The following PEX5 variants were observed in gnomAD, a reference collection of about 807,000 sequenced individuals.
PEX5 encodes PTS1 receptor.
Under a neutral mutation model 82.9 loss-of-function variants are expected in PEX5, and 52 were observed. The ratio of observed to expected loss-of-function variants is 0.63; its 90% CI spans 0.50 to 0.79. The LOEUF (loss-of-function observed/expected upper bound fraction) is 0.79, where lower values mean the gene tolerates loss of function less well. PEX5 is among the 30% of genes least tolerant of loss of function. The pLI is 0.00. For missense variants in PEX5, 719 were observed against 815.2 expected, an observed-to-expected ratio of 0.88 and a Z score of 1.44; for synonymous variants, 300 against 318.8, an observed-to-expected ratio of 0.94 and a Z score of 0.63.
At chr12:7,216,188 G>A (rs1223218668), downstream of PEX5, among the ~76,000 whole-genome samples, 2 of 152,126 alleles carry the variant, frequency 1.3e-5, no homozygotes, top group African/African-American at 2.4e-5. Context: ...GGCTGGTCTT[G>A]AACTCCTGAC....
At chr12:7,214,938 C>A (rs1221975257), downstream of PEX5, among the ~76,000 whole-genome samples, 21 of 152,024 alleles carry the variant, frequency 1.4e-4, no homozygotes, top group Admixed American at 1.4e-3. Flanking sequence ...TTGAAGCTAG[C>A]ATCAATGAGC....
At chr12:7,215,503 A>G (rs140272193), downstream of PEX5, among the ~76,000 whole-genome samples, 5,341 of 152,298 alleles carry the variant, frequency 0.035, 144 homozygotes, top group Non-Finnish European at 0.054. Context: ...ATGCCCATCA[A>G]TGGTGGACTG....
rs1011425383 is a variant in PEX5, at chr12:7,209,553, G to A, written c.1561-130G>A. The A allele has an allele frequency of 3.2e-5, 12 of 376,096 alleles. No individual in the cohort carries two copies. The African/African-American group carries it at 3.6e-4, about 11-fold the overall frequency. The allele number at this position is 376,096 out of a possible 1,614,324, so 23.3% of individuals were successfully genotyped here. On this transcript the variant is annotated intron_variant, in intron 14 of 15. Transcript: ENST00000675855. ...CGAACTGTTGAGAATGGAATGGGAC[G>A]AAACATGTTAGCTAACAGAGTAGTG... is the stretch of plus-strand genomic sequence containing the variant.
chr12:7,189,774 C>A (rs1940579402), intron 1 of PEX5, 24 bp downstream of exon 1: 2 of 433,664 alleles, frequency 4.6e-6, no homozygotes, highest in East Asian at 8.5e-5. Context: ...CCCGAGGGGG[C>A]CCGGGGCCGC....
In PEX5 at chr12:7,190,870, T is replaced by G. The variant is rs1208254383; in HGVS notation, c.148-18T>G. The G allele has an allele frequency of 1.4e-5, 23 of 1,610,100 alleles. No homozygotes were observed. The highest frequency in any genetic ancestry group is 1.7e-5 in the Non-Finnish European group (20 of 1,177,622). On this transcript the variant is annotated intron_variant, in intron 2 of 15. Transcript: ENST00000675855. ...TAGAGGAACTGCGTCATTGTACATC[T>G]CTGTCTTTCTCTCTTAGGCCTCCAA...
At chr12:7,200,454 C>T (rs1378840028) in intron 6 of PEX5, among the ~76,000 whole-genome samples, 2 of 151,282 alleles carry the variant, frequency 1.3e-5, no homozygotes, top group Admixed American at 1.3e-4. Flanking sequence ...GATGGGCGGC[C>T]AGGCAGAGAC....
chr12:7,201,948 A>G (rs776929089), intron 7 of PEX5, 107 bp downstream of exon 7: 65 of 842,702 alleles, frequency 7.7e-5, no homozygotes, highest in Non-Finnish European at 1.2e-4. Flanking sequence ...AAGAGATCTT[A>G]GGTCTCTTCG....
At chr12:7,190,217 G>T in intron 1 of PEX5, 145 bp from the exon 2 acceptor site, 1 of 1,578,922 alleles carries the variant, frequency 6.3e-7, no homozygotes, top group East Asian at 2.2e-5. Flanking sequence ...CCTGGCAGAG[G>T]TGGGGGTCGC....
downstream of PEX5, among the ~76,000 whole-genome samples, chr12:7,215,823 C>G (rs774175940): frequency 5.3e-5 from 8 of 152,098 alleles, no homozygotes; most frequent in Non-Finnish European, 1.2e-4. Context: ...GTACACCAAA[C>G]CTCAGCGACA....
intron 5 of PEX5, among the ~76,000 whole-genome samples, chr12:7,197,263 T>C (rs1360254221): frequency 5.3e-5 from 4 of 75,636 alleles, no homozygotes; most frequent in African/African-American, 7.7e-5. Context: ...ATGTAATAAT[T>C]ATATATGTCA....
At chr12:7,194,185 G>C (rs886879870) in intron 5 of PEX5, among the ~76,000 whole-genome samples, 5 of 152,074 alleles carry the variant, frequency 3.3e-5, no homozygotes, top group Non-Finnish European at 2.9e-5. Flanking sequence ...GATGAAAGAA[G>C]GTTATACTTT....
Position 7,190,441 on chromosome 12 carries a change from G to A in PEX5, c.64G>A (p.Gly22Arg), listed in dbSNP as rs2135877599. 1.2e-6 allele frequency: 2 copies of A among 1,614,178 alleles called. No individual in the cohort carries two copies. Among genetic ancestry groups the A allele is most frequent in the Non-Finnish European group, 1.7e-6 (2 of 1,180,046 alleles). The stretch of plus-strand genomic sequence containing the variant: ...TGCCAACCCGCTCATGAAGCTCGCC[G>A]GGCACTTCACCCAGGACAAGGCCCT... ...GGANPLMKLA[G>R]HFTQDKALRQ... The change falls in exon 2 of 16, where the codon GGG becomes AGG. Residue 22 changes from glycine (G) to arginine (R), a missense_variant. By Grantham distance (125) the Gly-to-Arg change is moderately radical. Coordinates refer to ENST00000675855, the MANE Select transcript of PEX5 (RefSeq NM_001351132.2).
chr12:7,190,748 C>A, intron 2 of PEX5, 140 bp from the exon 3 acceptor site: 3 of 1,304,108 alleles, frequency 2.3e-6, no homozygotes, highest in Non-Finnish European at 3.3e-6. Context: ...CGTTTATAAA[C>A]ACTAGAAAAC....
At chr12:7,196,491 GTAA>G (rs1266268837) in intron 5 of PEX5, among the ~76,000 whole-genome samples, 3 of 131,836 alleles carry the variant, frequency 2.3e-5, no homozygotes, top group Non-Finnish European at 3.1e-5. Context: ...CATATATAAT[GTAA>G]TAATTATATA....
rs772786048 is a variant in PEX5 at position 7,190,499 on chromosome 12, C to T, written c.122C>T (p.Pro41Leu). 1.9e-6 allele frequency: 3 copies of T among 1,613,110 alleles called. No individual in the cohort carries two copies. The highest frequency in any genetic ancestry group is 1.1e-5 in the South Asian group (1 of 91,026). ...RQEGLRPGPW[P>L]PGAPASEAAS... ...GAGGGATTGAGGCCTGGCCCCTGGCCCCCCGGAGCCCCGGCCTCTGAGGCA... is the reference window on the plus strand; with the variant it reads ...GAGGGATTGAGGCCTGGCCCCTGGCTCCCCGGAGCCCCGGCCTCTGAGGCA... Residue 41 changes from proline (P) to leucine (L), a missense_variant, in exon 2 of 16, where the codon CCC (proline) becomes CTC (leucine). By Grantham distance (98) the Pro-to-Leu change is moderately conservative (BLOSUM62 -3). Coordinates refer to ENST00000675855, the MANE Select transcript of PEX5 (RefSeq NM_001351132.2).
intron 5 of PEX5, among the ~76,000 whole-genome samples, chr12:7,197,518 TATATGTTATATATAATGTAA>T (rs1942958190): frequency 1.6e-5 from 1 of 63,162 alleles, no homozygotes; most frequent in African/African-American, 4.3e-5. Flanking sequence ...ATGTAATAAT[TATATGTTATATATAATGTAA>T]TTATATATGT....
At chr12:7,203,105 A>G (rs779353570) in intron 9 of PEX5, among the ~76,000 whole-genome samples, 49 of 152,062 alleles carry the variant, frequency 3.2e-4, no homozygotes, top group African/African-American at 1.1e-3. Context: ...TTGCAACGAG[A>G]TGAGATCACG....
At chr12:7,215,350 A>G (rs1945747577), downstream of PEX5, among the ~76,000 whole-genome samples, 1 of 152,186 alleles carries the variant, frequency 6.6e-6, no homozygotes, top group South Asian at 2.1e-4. Flanking sequence ...AATTTCTCAA[A>G]GAACTTAGAA....
chr12:7,213,899 A>G (rs1263999500), downstream of PEX5, among the ~76,000 whole-genome samples: 1 of 152,042 alleles, frequency 6.6e-6, no homozygotes, highest in Non-Finnish European at 1.5e-5. Context: ...AACCCCATCA[A>G]AAAGTGGGCG....
Sources: gnomAD v4.1 joint callset for allele counts (sites outside exome capture counted in the v4.1 genomes callset) on GRCh38, gnomAD v4.1.1 for gene constraint, MANE v1.5 for transcripts, NCBI Gene and HGNC (gene_info 2026-07-23, HGNC 2026-07-21) for gene names.